Variants in LPP observed in about 807,000 individuals in gnomAD.
LPP encodes the protein LIM domain containing preferred translocation partner in lipoma, also known as lipoma-preferred partner.
In LPP, 38 loss-of-function variants were observed where a neutral mutation model predicts 60.4. The observed-to-expected ratio is 0.63, with a 90% CI of 0.49 to 0.83. The LOEUF (loss-of-function observed/expected upper bound fraction) is 0.83, where lower values mean the gene tolerates loss of function less well. Ranked by LOEUF, LPP falls within the 40% of genes least tolerant of loss-of-function variation. The pLI, the probability that LPP is intolerant of heterozygous loss-of-function variation, is 0.00. For synonymous variants in LPP, 328 were observed against 290.8 expected (o/e 1.13, Z -1.30); for missense variants, 902 against 783.6 (o/e 1.15, Z -1.80).
At position 188,701,751 on chromosome 3, in the gene LPP, G is replaced by GT. The variant is rs375941338; in HGVS notation, c.1114-6504dup. ...TCAGAATGCCACGATATCTGGCTGC[G>GT]TTTTTTTTTTTTGAAAGTGTCAGTG... On this transcript the variant is annotated intron_variant, in intron 7 of 11. Coordinates refer to ENST00000617246, the MANE Select transcript of LPP (RefSeq NM_001375462.1). 8.7e-3 allele frequency among the ~76,000 whole-genome samples: 1,260 copies of GT among 144,240 alleles called. 10 individuals are homozygous for GT. The highest frequency in any genetic ancestry group is 0.02 in the African/African-American group (773 of 39,388). The allele number at this position is 144,240 out of a possible 152,430, so 94.6% of individuals were successfully genotyped here. A position where few individuals can be genotyped will look rare whatever the true frequency, so the allele number is the denominator to read the frequency against.
At chr3:188,679,558 TGTGTGC>T (rs372683227) in intron 7 of LPP, among the ~76,000 whole-genome samples, 219 of 79,132 alleles carry the variant, frequency 2.8e-3, no homozygotes, top group Non-Finnish European at 4.1e-3. Context: ...TGTGTGTGTG[TGTGTGC>T]GCGCGCGCAT....
intron 3 of LPP, among the ~76,000 whole-genome samples, chr3:188,364,470 G>T (rs1489928961): frequency 6.6e-6 from 1 of 152,214 alleles, no homozygotes; most frequent in Non-Finnish European, 1.5e-5. Context: ...GGAGAATGGG[G>T]CTGGTGACAA....
chr3:188,463,911 T>G (rs1031696330), intron 4 of LPP, among the ~76,000 whole-genome samples: 2 of 152,206 alleles, frequency 1.3e-5, no homozygotes, highest in Admixed American at 1.3e-4. Flanking sequence ...CACTGGCACC[T>G]GTGGCTTCTA....
At chr3:188,571,273 C>G (rs938170060) in intron 6 of LPP, among the ~76,000 whole-genome samples, 1 of 152,014 alleles carries the variant, frequency 6.6e-6, no homozygotes, top group African/African-American at 2.4e-5. Context: ...CAATATAAAA[C>G]TAAATGCAAT....
At chr3:188,660,840 G>A (rs1467682214) in intron 7 of LPP, among the ~76,000 whole-genome samples, 1 of 152,056 alleles carries the variant, frequency 6.6e-6, no homozygotes, top group East Asian at 1.9e-4. Context: ...AACCTACATT[G>A]TCACATAATT....
chr3:188,246,405 G>A (rs1424890548), intron 2 of LPP, among the ~76,000 whole-genome samples: 2 of 152,026 alleles, frequency 1.3e-5, no homozygotes, highest in African/African-American at 4.8e-5. Context: ...AACACTCTCT[G>A]CCCCTTCTCA....
intron 6 of LPP, among the ~76,000 whole-genome samples, chr3:188,537,107 C>T (rs544513889): frequency 1.2e-4 from 18 of 152,288 alleles, no homozygotes; most frequent in Non-Finnish European, 2.4e-4. Context: ...CTTTTTCTCC[C>T]ATCATCTAGT....
chr3:188,767,349 G>T (rs1308209902), intron 9 of LPP, among the ~76,000 whole-genome samples: 1 of 152,030 alleles, frequency 6.6e-6, no homozygotes, highest in Non-Finnish European at 1.5e-5. Flanking sequence ...ATGAAGAATA[G>T]CCCTGAGCTT....
At chr3:188,224,008 G>A (rs1185579334) in intron 1 of LPP, among the ~76,000 whole-genome samples, 1 of 152,118 alleles carries the variant, frequency 6.6e-6, no homozygotes, top group African/African-American at 2.4e-5. Context: ...ATTTCTGTCT[G>A]CTGTTGAGGT....
At chr3:188,575,090 T>G (rs1281642646) in intron 6 of LPP, among the ~76,000 whole-genome samples, 4 of 152,070 alleles carry the variant, frequency 2.6e-5, no homozygotes, top group Non-Finnish European at 5.9e-5. Context: ...GCTGTGGCTC[T>G]CCTCAATTAA....
chr3:188,318,232 A>C (rs1755687028), intron 2 of LPP, among the ~76,000 whole-genome samples: 2 of 152,220 alleles, frequency 1.3e-5, no homozygotes, highest in South Asian at 4.1e-4. Flanking sequence ...TTTTAGGCCC[A>C]AATACCTGAA....
rs546849512 is a variant in LPP, at chr3:188,881,110, G to T, written c.*6631G>T. 2 of 133,708 alleles carry T rather than the reference G, an allele frequency of 1.5e-5. No individual in the cohort carries two copies. Among genetic ancestry groups the T allele is most frequent in the Non-Finnish European group, 3.2e-5 (2 of 63,208 alleles). 8.3% of individuals were successfully genotyped at this position (133,708 alleles called of 1,614,324 possible). On this transcript the variant is annotated 3_prime_UTR_variant, in exon 12 of 12. Coordinates refer to ENST00000617246, the MANE Select transcript of LPP (RefSeq NM_001375462.1). ...AGCCGAGATAGCGCCACTGCAGTCC[G>T]GCCTGGGCGAAAGAGCGAGACTCCG... is the stretch of plus-strand genomic sequence containing the variant.
intron 9 of LPP, among the ~76,000 whole-genome samples, chr3:188,814,422 C>G (rs1046972974): frequency 2.0e-5 from 3 of 152,134 alleles, no homozygotes; most frequent in Non-Finnish European, 4.4e-5. Flanking sequence ...ATCTCCCTTC[C>G]CCTTTCCTCA....
rs548316515 is a variant in LPP, at chr3:188,828,453, A to C, written c.1411-37747A>C. Among the ~76,000 whole-genome samples the C allele has an allele frequency of 1.8e-4, 27 of 150,586 alleles. No homozygotes were observed. The South Asian group carries it at 5.7e-3, about 32-fold the overall frequency. On this transcript the variant is annotated intron_variant, in intron 9 of 11. Coordinates refer to ENST00000617246, the MANE Select transcript of LPP (RefSeq NM_001375462.1). ...AACCCAGTCTCTACTAAAAATACAAAAAAAAAAAAAAATTAGCTGGGCATG... is the reference window on the plus strand; with the variant it reads ...AACCCAGTCTCTACTAAAAATACAACAAAAAAAAAAAATTAGCTGGGCATG...
chr3:188,398,669 G>T (rs961227654), intron 3 of LPP, among the ~76,000 whole-genome samples: 4 of 152,198 alleles, frequency 2.6e-5, no homozygotes, highest in Non-Finnish European at 5.9e-5. Context: ...ACTAACAATT[G>T]TGTGTAATTT....
At chr3:188,430,367 A>G (rs1337756970) in intron 4 of LPP, among the ~76,000 whole-genome samples, 1 of 152,114 alleles carries the variant, frequency 6.6e-6, no homozygotes, top group Non-Finnish European at 1.5e-5. Context: ...CTCTTTAATT[A>G]TTTTTAAAAG....
At chr3:188,619,809 A>C (rs1482810333) in intron 7 of LPP, among the ~76,000 whole-genome samples, 1 of 152,228 alleles carries the variant, frequency 6.6e-6, no homozygotes, top group Non-Finnish European at 1.5e-5. Flanking sequence ...CAGATCCTGA[A>C]TCTTAAATTA....
rs1000656715 is a variant in LPP at position 188,451,812 on chromosome 3, C to T, written c.194-32780C>T. On this transcript the variant is annotated intron_variant, in intron 4 of 11. Transcript: ENST00000617246. ...AGAGAATAATGTGTGCAGAGATCCA[C>T]AGGCAAGAGGGAATGTGGCATCCTC... is the stretch of plus-strand genomic sequence containing the variant. Among the ~76,000 whole-genome samples the T allele has an allele frequency of 2.6e-5, 4 of 152,146 alleles. No individual in the cohort carries two copies. The East Asian group carries it at 7.7e-4, about 29-fold the overall frequency.
chr3:188,178,228 T>C (rs1323884145), intron 1 of LPP, among the ~76,000 whole-genome samples: 1 of 152,200 alleles, frequency 6.6e-6, no homozygotes, highest in Non-Finnish European at 1.5e-5. Context: ...TTGGGAATTC[T>C]GGCCCCAGTG....
Sources: allele counts gnomAD v4.1 joint callset (sites outside exome capture counted in the v4.1 genomes callset), GRCh38; gene constraint gnomAD v4.1.1; transcripts MANE v1.5; gene names NCBI Gene and HGNC (gene_info 2026-07-23, HGNC 2026-07-21).